The following OXR1 variants were observed in gnomAD, a reference collection of about 807,000 sequenced individuals.
OXR1 encodes oxidation resistance 1.
OXR1 carries 41 observed loss-of-function variants against 104.6 expected under a neutral mutation model. The ratio of observed to expected loss-of-function variants is 0.39; its 90% CI spans 0.31 to 0.51. The LOEUF (loss-of-function observed/expected upper bound fraction) is 0.51, where lower values mean the gene tolerates loss of function less well. Ranked by LOEUF, OXR1 falls within the 20% of genes least tolerant of loss-of-function variation. The pLI, the probability that OXR1 is intolerant of heterozygous loss-of-function variation, is 0.77. For synonymous variants in OXR1, 348 were observed against 348.4 expected (o/e 1.00, Z 0.01); for missense variants, 955 against 1,031.9 (o/e 0.93, Z 1.02).
At chr8:106,657,252 G>A (rs1825176363) in intron 3 of OXR1, among the ~76,000 whole-genome samples, 1 of 151,492 alleles carries the variant, frequency 6.6e-6, no homozygotes. Flanking sequence ...AACTTAAAAT[G>A]TTACTATTCA....
intron 2 of OXR1, among the ~76,000 whole-genome samples, chr8:106,361,180 A>G (rs941593773): frequency 6.6e-6 from 1 of 152,252 alleles, no homozygotes; most frequent in Non-Finnish European, 1.5e-5. Flanking sequence ...CTGTAAGTGC[A>G]TGCTTGGAAA....
At chr8:106,274,436 G>A (rs937831735) in intron 1 of OXR1, among the ~76,000 whole-genome samples, 1 of 152,092 alleles carries the variant, frequency 6.6e-6, no homozygotes, top group Non-Finnish European at 1.5e-5. Context: ...TTTGTTATTG[G>A]TTTGTTTCAG....
At chr8:106,422,035 T>G (rs1050579236) in intron 2 of OXR1, among the ~76,000 whole-genome samples, 2 of 152,086 alleles carry the variant, frequency 1.3e-5, no homozygotes, top group Admixed American at 1.3e-4. Flanking sequence ...TAAAATTGAA[T>G]TTTTAAGGGG....
chr8:106,361,099 CAA>C (rs1816226402), intron 2 of OXR1, among the ~76,000 whole-genome samples: 1 of 152,100 alleles, frequency 6.6e-6, no homozygotes, highest in Non-Finnish European at 1.5e-5. Flanking sequence ...GTGAACTCCG[CAA>C]AGAGAGAGAC....
chr8:106,491,098 C>T (rs1283045660), intron 2 of OXR1, among the ~76,000 whole-genome samples: 2 of 152,200 alleles, frequency 1.3e-5, no homozygotes, highest in Admixed American at 6.5e-5. Flanking sequence ...CGACGCTCCG[C>T]TCAATATGCA....
At chr8:106,579,161 C>G (rs1305009242) in intron 3 of OXR1, among the ~76,000 whole-genome samples, 1 of 152,018 alleles carries the variant, frequency 6.6e-6, no homozygotes, top group Non-Finnish European at 1.5e-5. Context: ...TCTGGCTTGC[C>G]TTGGGCCACA....
At chr8:106,398,393 A>T (rs1325971516) in intron 2 of OXR1, among the ~76,000 whole-genome samples, 1 of 152,156 alleles carries the variant, frequency 6.6e-6, no homozygotes, top group East Asian at 1.9e-4. Context: ...TTCCCAGATG[A>T]TTCCTGTTTG....
chr8:106,395,125 C>T (rs1366511521), intron 2 of OXR1, among the ~76,000 whole-genome samples: 1 of 152,000 alleles, frequency 6.6e-6, no homozygotes, highest in Non-Finnish European at 1.5e-5. Context: ...GTTCTGAAAC[C>T]ATGTTATGTG....
intron 2 of OXR1, among the ~76,000 whole-genome samples, chr8:106,364,945 T>C (rs1158529173): frequency 6.6e-6 from 1 of 152,162 alleles, no homozygotes; most frequent in Admixed American, 6.5e-5. Context: ...ACAATACTAA[T>C]GTACTTGTAT....
chr8:106,460,975 A>G (rs1047303835), intron 2 of OXR1, among the ~76,000 whole-genome samples: 9 of 151,762 alleles, frequency 5.9e-5, no homozygotes, highest in African/African-American at 2.2e-4. Flanking sequence ...TATATATTTT[A>G]TATTTATATA....
intron 11 of OXR1, among the ~76,000 whole-genome samples, chr8:106,721,538 C>T (rs971291306): frequency 4.0e-4 from 61 of 152,218 alleles, no homozygotes; most frequent in African/African-American, 1.5e-3. Flanking sequence ...TCTTGCTTCT[C>T]ACCTTTGCCA....
intron 1 of OXR1, among the ~76,000 whole-genome samples, chr8:106,281,465 T>G (rs1405081754): frequency 6.6e-6 from 1 of 152,038 alleles, no homozygotes; most frequent in African/African-American, 2.4e-5. Context: ...GCCATGAAAG[T>G]TTCATGAAAA....
At chr8:106,382,991 C>CT (rs374929934) in intron 2 of OXR1, among the ~76,000 whole-genome samples, 2,543 of 144,000 alleles carry the variant, frequency 0.018, 75 homozygotes, top group African/African-American at 0.057. Context: ...AGTACTTTTT[C>CT]TTTTTTTTTT....
At chr8:106,366,406 A>T (rs1816470085) in intron 2 of OXR1, among the ~76,000 whole-genome samples, 1 of 152,216 alleles carries the variant, frequency 6.6e-6, no homozygotes, top group Non-Finnish European at 1.5e-5. Context: ...GTGGACTTGA[A>T]CAATTAGGTA....
At chr8:106,739,727 T>C in intron 13 of OXR1, 144 bp downstream of exon 13, 1 of 684,808 alleles carries the variant, frequency 1.5e-6, no homozygotes. Flanking sequence ...AAGCAAAACA[T>C]AGCAACTAGT....
chr8:106,585,370 C>T (rs1298423882), intron 3 of OXR1, among the ~76,000 whole-genome samples: 2 of 152,144 alleles, frequency 1.3e-5, no homozygotes, highest in Non-Finnish European at 2.9e-5. Flanking sequence ...ATTTTATTCA[C>T]TATTTTCCTG....
At chr8:106,329,569 G>C (rs1814626965) in intron 1 of OXR1, among the ~76,000 whole-genome samples, 1 of 152,028 alleles carries the variant, frequency 6.6e-6, no homozygotes, top group African/African-American at 2.4e-5. Flanking sequence ...GGATGGTCTC[G>C]ATCTCCTGAC....
intron 2 of OXR1, among the ~76,000 whole-genome samples, chr8:106,489,985 A>G (rs553947503): frequency 1.6e-3 from 237 of 152,320 alleles, no homozygotes; most frequent in Non-Finnish European, 2.3e-3. Context: ...CTTAAATTAA[A>G]CCATCCCAGG....
chr8:106,460,304 T>A (rs1056158446), intron 2 of OXR1, among the ~76,000 whole-genome samples: 1 of 152,196 alleles, frequency 6.6e-6, no homozygotes, highest in Non-Finnish European at 1.5e-5. Flanking sequence ...AAAGCTGCCT[T>A]TGTCAGTTTC....
Sources: gnomAD v4.1 joint callset for allele counts (sites outside exome capture counted in the v4.1 genomes callset) on GRCh38, gnomAD v4.1.1 for gene constraint, MANE v1.5 for transcripts, NCBI Gene and HGNC (gene_info 2026-07-23, HGNC 2026-07-21) for gene names.